CPNE7: variants seen among roughly 807,000 people sequenced by gnomAD.
The protein encoded by CPNE7 is copine-7.
CPNE7 carries 78 observed loss-of-function variants against 66.5 expected under a neutral mutation model. The observed-to-expected ratio is 1.17, with a 90% CI of 0.98 to 1.42. CPNE7 has a LOEUF of 1.42. Ranked by LOEUF, CPNE7 falls within the 40% of genes most tolerant of loss-of-function variation. The pLI, the probability that CPNE7 is intolerant of heterozygous loss-of-function variation, is 0.00. For missense variants in CPNE7, 1,012 were observed against 776.6 expected (o/e 1.30, Z -3.60); for synonymous variants, 468 against 336.7 (o/e 1.39, Z -4.27).
intron 9 of CPNE7, among the ~76,000 whole-genome samples, chr16:89,588,336 C>G (rs1250455292): frequency 6.6e-6 from 1 of 152,188 alleles, no homozygotes; most frequent in African/African-American, 2.4e-5. Flanking sequence ...GTGGGGGGAC[C>G]CAGACCAGGC....
chr16:89,596,363 GT>G (rs2059255279), intron 14 of CPNE7, 120 bp from the exon 15 acceptor site: 2 of 1,362,738 alleles, frequency 1.5e-6, no homozygotes, highest in African/African-American at 2.9e-5. Flanking sequence ...TGAGCCTCTG[GT>G]GGGGGTGGGT....
intron 8 of CPNE7, 102 bp downstream of exon 8, chr16:89,586,858 C>A (rs2059048963): frequency 8.3e-7 from 1 of 1,210,612 alleles, no homozygotes; most frequent in African/African-American, 1.5e-5. Flanking sequence ...CTGGTGGGCC[C>A]CAGCACGTCT....
At chr16:89,583,422 T>G in intron 2 of CPNE7, 1 of 1,548,376 alleles carries the variant, frequency 6.5e-7, no homozygotes, top group Non-Finnish European at 8.7e-7. Flanking sequence ...CACCTGAGCC[T>G]GTTTCCTCAC....
chr16:89,576,187 C>A, intron 1 of CPNE7, 116 bp downstream of exon 1: 3 of 872,960 alleles, frequency 3.4e-6, no homozygotes, highest in Non-Finnish European at 4.5e-6. Flanking sequence ...CGGGGCCCCC[C>A]GGAGCTGGGG....
chr16:89,589,300 G>A (rs976000347), intron 10 of CPNE7, among the ~76,000 whole-genome samples: 1 of 152,120 alleles, frequency 6.6e-6, no homozygotes, highest in Non-Finnish European at 1.5e-5. Context: ...TCAAAAAAAA[G>A]AGACTCTGCG....
rs1176296983 is a variant in CPNE7, at chr16:89,585,669, G to A, written c.682-18G>A. 6.4e-7 allele frequency: 1 copy of A among 1,553,946 alleles called. No individual in the cohort carries two copies. Among genetic ancestry groups the A allele is most frequent in the East Asian group, 2.4e-5 (1 of 41,154 alleles). On this transcript the variant is annotated intron_variant, in intron 6 of 14. Coordinates refer to ENST00000319518, the MANE Select transcript of CPNE7 (RefSeq NM_153636.3). ...GGGGCCCCCAGACAGCAGTGCTGAG[G>A]AGGACTGGGCTCCCCAGTGCCTGGT... is the stretch of plus-strand genomic sequence containing the variant.
chr16:89,578,930 C>CT (rs2058903340), intron 2 of CPNE7: 1 of 1,613,772 alleles, frequency 6.2e-7, no homozygotes, highest in East Asian at 2.2e-5. Flanking sequence ...GGACACTGCG[C>CT]TAAGCACTTC....
At chr16:89,588,206 G>GATACACGGCCCCCGTGTCACCCC in intron 9 of CPNE7, among the ~76,000 whole-genome samples, 1 of 21,160 alleles carries the variant, frequency 4.7e-5, no homozygotes, top group South Asian at 2.0e-3. Context: ...CGTGTCACCC[G>GATACACGGCCCCCGTGTCACCCC]CGTGTCACCC....
At chr16:89,579,241 G>C (rs941749626) in intron 2 of CPNE7, among the ~76,000 whole-genome samples, 1 of 151,688 alleles carries the variant, frequency 6.6e-6, no homozygotes, top group African/African-American at 2.4e-5. Context: ...TCAGCGAGCC[G>C]AGATCGCGCC....
chr16:89,578,399 T>C (rs116441095), intron 2 of CPNE7, among the ~76,000 whole-genome samples: 3,028 of 152,160 alleles, frequency 0.02, 77 homozygotes, highest in African/African-American at 0.062. Context: ...ACAAATTACG[T>C]TCCCTGTTCT....
rs1001115867 is a variant in CPNE7, at chr16:89,584,420, C to T, written c.507+318C>T. ...GTCGTGACAGGAGGAACTGGAACAG[C>T]GCGCGGTTCTGCGGGCTCGTCACGT... On this transcript the variant is annotated intron_variant, in intron 4 of 14. Coordinates refer to ENST00000319518, the MANE Select transcript of CPNE7 (RefSeq NM_153636.3). This position sits in a 1 kb window ranked among gnomAD's most constrained non-coding sequence, Gnocchi z 6.0. Among the ~76,000 whole-genome samples the T allele has an allele frequency of 1.3e-5, 2 of 152,210 alleles. No individual in the cohort carries two copies. The highest frequency in any genetic ancestry group is 1.3e-4 in the Admixed American group (2 of 15,284).
At chr16:89,576,834 T>TCATC (rs907341020) in intron 1 of CPNE7, among the ~76,000 whole-genome samples, 27 of 152,106 alleles carry the variant, frequency 1.8e-4, no homozygotes, top group African/African-American at 6.5e-4. Context: ...GCGTCTCCGG[T>TCATC]CATCCACCTT....
At chr16:89,590,190 G>A (rs964072334) in intron 11 of CPNE7, among the ~76,000 whole-genome samples, 6 of 152,356 alleles carry the variant, frequency 3.9e-5, no homozygotes, top group Non-Finnish European at 7.3e-5. Flanking sequence ...CAGGAGATAG[G>A]GAAGGACGTT....
At chr16:89,586,484 T>A (rs952604551) in intron 7 of CPNE7, among the ~76,000 whole-genome samples, 186 bp from the exon 8 acceptor site, 1 of 151,596 alleles carries the variant, frequency 6.6e-6, no homozygotes, top group African/African-American at 2.4e-5. Context: ...GGGATGCAAC[T>A]CCCATCCCTC....
At chr16:89,587,215 CATCCCCGCCCCCT>C in intron 9 of CPNE7, 113 bp downstream of exon 9, 1 of 506,680 alleles carries the variant, frequency 2.0e-6, no homozygotes, top group East Asian at 3.6e-5. Context: ...TGGCCCCGCC[CATCCCCGCCCCCT>C]CAGTCCGTGG....
intron 9 of CPNE7, among the ~76,000 whole-genome samples, 167 bp from the exon 10 acceptor site, chr16:89,588,508 C>T (rs955291879): frequency 1.3e-5 from 2 of 152,134 alleles, no homozygotes; most frequent in African/African-American, 2.4e-5. Context: ...CCTCTCCTGG[C>T]CCTGTGTAGC....
chr16:89,591,474 G>A (rs1208061376), intron 13 of CPNE7, among the ~76,000 whole-genome samples: 1 of 152,212 alleles, frequency 6.6e-6, no homozygotes. Flanking sequence ...CGCCTCACAC[G>A]GTCACGGCCA....
At chr16:89,592,723 T>A (rs1391747593) in intron 13 of CPNE7, among the ~76,000 whole-genome samples, 1 of 147,904 alleles carries the variant, frequency 6.8e-6, no homozygotes, top group Non-Finnish European at 1.5e-5. Context: ...ATTACAGGAG[T>A]GAGCCACCGC....
intron 11 of CPNE7, among the ~76,000 whole-genome samples, chr16:89,590,263 G>T (rs1015367176): frequency 6.6e-6 from 1 of 152,186 alleles, no homozygotes; most frequent in African/African-American, 2.4e-5. Context: ...GGTGGCTCAC[G>T]CCTGTAATCC....
Sources: allele counts gnomAD v4.1 joint callset (sites outside exome capture counted in the v4.1 genomes callset), GRCh38; gene constraint gnomAD v4.1.1; non-coding constraint Gnocchi (gnomAD v3.1); transcripts MANE v1.5; gene names NCBI Gene and HGNC (gene_info 2026-07-23, HGNC 2026-07-21).